HIVEP1: variants seen among roughly 807,000 people sequenced by gnomAD.
The protein encoded by HIVEP1 is HIVEP zinc finger 1, also known as zinc finger protein 40.
HIVEP1 carries 36 observed loss-of-function variants against 180.0 expected under a neutral mutation model. The observed-to-expected ratio is 0.20, with a 90% confidence interval of 0.15 to 0.26. The LOEUF is 0.26. Among genes scored for constraint, HIVEP1 ranks in the 10% least tolerant of loss-of-function variants. HIVEP1 has a pLI of 1.00. For synonymous variants in HIVEP1, 1,239 were observed against 1,239.0 expected, an observed-to-expected ratio of 1.00 and a Z score of 0.00; for missense variants, 3,143 against 3,268.7, an observed-to-expected ratio of 0.96 and a Z score of 0.94.
At chr6:12,031,626 T>C (rs1247461079) in intron 2 of HIVEP1, among the ~76,000 whole-genome samples, 1 of 152,180 alleles carries the variant, frequency 6.6e-6, no homozygotes, top group East Asian at 1.9e-4. Flanking sequence ...ACCCTGGCAC[T>C]GACAGAACTG....
chr6:12,022,376 T>A (rs1184675561), intron 2 of HIVEP1, among the ~76,000 whole-genome samples: 1 of 152,100 alleles, frequency 6.6e-6, no homozygotes, highest in Non-Finnish European at 1.5e-5. Context: ...TTCACCATTT[T>A]GGCCAGGCTG....
At chr6:12,041,346 C>T (rs146426094) in intron 2 of HIVEP1, among the ~76,000 whole-genome samples, 2,072 of 141,156 alleles carry the variant, frequency 0.015, 46 homozygotes, top group African/African-American at 0.049. Flanking sequence ...GGCGTGAACC[C>T]GGGAGGCGGA....
chr6:12,013,368 C>A (rs556729696), intron 1 of HIVEP1, among the ~76,000 whole-genome samples: 4 of 152,296 alleles, frequency 2.6e-5, no homozygotes, highest in African/African-American at 9.6e-5. Context: ...GTATTTATTT[C>A]TTTCCCGTAA....
chr6:12,209,595 T>G, the HIVEP1 span, among the ~76,000 whole-genome samples: 1 of 152,234 alleles, frequency 6.6e-6, no homozygotes, highest in African/African-American at 2.4e-5. Flanking sequence ...GTAGGGATAG[T>G]ACAGGACATG....
intron 3 of HIVEP1, among the ~76,000 whole-genome samples, chr6:12,113,053 C>T (rs979771384): frequency 6.6e-6 from 1 of 151,942 alleles, no homozygotes; most frequent in Non-Finnish European, 1.5e-5. Context: ...ACTCTGCTTA[C>T]ACGCTTGGGG....
At chr6:12,114,598 C>A (rs530053358) in intron 3 of HIVEP1, among the ~76,000 whole-genome samples, 3 of 152,022 alleles carry the variant, frequency 2.0e-5, no homozygotes, top group Admixed American at 6.5e-5. Flanking sequence ...CTAGCCCAGA[C>A]CTCTCTCTAG....
intron 3 of HIVEP1, among the ~76,000 whole-genome samples, chr6:12,116,906 T>C (rs1010702215): frequency 6.6e-6 from 1 of 151,974 alleles, no homozygotes; most frequent in Non-Finnish European, 1.5e-5. Flanking sequence ...TAAGCAAGAG[T>C]TCAAACTTAA....
the HIVEP1 span, among the ~76,000 whole-genome samples, chr6:12,175,383 C>A: frequency 1.3e-5 from 2 of 152,072 alleles, no homozygotes; most frequent in Non-Finnish European, 2.9e-5. Flanking sequence ...CATGAGAGGG[C>A]CTTTGGGAAG....
intron 2 of HIVEP1, among the ~76,000 whole-genome samples, chr6:12,040,295 T>A (rs1335288442): frequency 6.6e-6 from 1 of 152,208 alleles, no homozygotes; most frequent in Admixed American, 6.5e-5. Context: ...TCATAGAGGT[T>A]AAATCCTCAA....
chr6:12,082,202 C>A (rs528974176), intron 2 of HIVEP1, among the ~76,000 whole-genome samples: 1 of 152,086 alleles, frequency 6.6e-6, no homozygotes, highest in Non-Finnish European at 1.5e-5. Context: ...TGTATACAGT[C>A]TGGGGTGTCA....
downstream of HIVEP1, among the ~76,000 whole-genome samples, chr6:12,165,389 C>T (rs1760674938): frequency 6.6e-6 from 1 of 152,152 alleles, no homozygotes; most frequent in Admixed American, 6.5e-5. Flanking sequence ...TTTCCAGGCT[C>T]CAACACCAGA....
chr6:12,166,159 G>T (rs564637237), downstream of HIVEP1, among the ~76,000 whole-genome samples: 1 of 152,232 alleles, frequency 6.6e-6, no homozygotes, highest in African/African-American at 2.4e-5. Context: ...TTTCTGTCCA[G>T]TTTCTCAAAA....
In HIVEP1 at chr6:12,121,344, C is replaced by T. The variant is rs1757639891; in HGVS notation, c.1549C>T (p.His517Tyr). 6.2e-7 allele frequency: 1 copy of T among 1,614,106 alleles called. No individual in the cohort carries two copies. Among genetic ancestry groups the T allele is most frequent in the Non-Finnish European group, 8.5e-7 (1 of 1,180,014 alleles). ...GGGCGCCATGGAGCTGCAGCCTGTG[C>T]ACATAATAAAGAGGATGTCAAATGC... ...DLGAMELQPV[H>Y]IIKRMSNAET... Residue 517 changes from histidine (H) to tyrosine (Y), a missense_variant, in exon 4 of 9, where the codon CAC becomes TAC. His to Tyr is a moderately conservative substitution (Grantham distance 83). Coordinates refer to ENST00000379388, the MANE Select transcript of HIVEP1 (RefSeq NM_002114.4). The surrounding 1 kb of genome is among the most constrained non-coding windows in gnomAD (Gnocchi z 5.3).
intron 2 of HIVEP1, among the ~76,000 whole-genome samples, chr6:12,040,671 A>G (rs577169775): frequency 1.3e-5 from 2 of 152,212 alleles, no homozygotes; most frequent in Admixed American, 6.5e-5. Flanking sequence ...TGGTCAGTGT[A>G]TTAGGCCGTT....
intron 4 of HIVEP1, 45 bp from the exon 5 acceptor site, chr6:12,129,714 T>C (rs989387379): frequency 2.0e-6 from 3 of 1,467,016 alleles, no homozygotes; most frequent in Non-Finnish European, 2.9e-6. Context: ...AGCATGCTTG[T>C]GTTTTCAGTT....
At chr6:12,163,189 A>G in intron 8 of HIVEP1, 94 bp from the exon 9 acceptor site, 1 of 920,874 alleles carries the variant, frequency 1.1e-6, no homozygotes. Context: ...ACTTACTTTT[A>G]TCTCATTGTG....
intron 2 of HIVEP1, chr6:12,037,593 T>A: frequency 2.6e-6 from 1 of 382,622 alleles, no homozygotes; most frequent in Non-Finnish European, 4.6e-6. Flanking sequence ...CTGGATATTA[T>A]GGAAAAGAAT....
intron 3 of HIVEP1, among the ~76,000 whole-genome samples, chr6:12,099,935 A>G (rs1270317963): frequency 6.6e-6 from 1 of 152,226 alleles, no homozygotes; most frequent in African/African-American, 2.4e-5. Context: ...TAGTTTGTGT[A>G]TGTCGTCACA....
chr6:12,100,741 T>A (rs764199094), intron 3 of HIVEP1, among the ~76,000 whole-genome samples: 10 of 152,170 alleles, frequency 6.6e-5, no homozygotes, highest in Non-Finnish European at 1.3e-4. Context: ...GAATACAGGG[T>A]GAGTATCCCT....
Sources: gnomAD v4.1 joint callset for allele counts (sites outside exome capture counted in the v4.1 genomes callset) on GRCh38, gnomAD v4.1.1 for gene constraint, Gnocchi (gnomAD v3.1) non-coding constraint, MANE v1.5 for transcripts, NCBI Gene and HGNC (gene_info 2026-07-23, HGNC 2026-07-21) for gene names.